Variants in MLIP observed in about 807,000 individuals in gnomAD.
The protein encoded by MLIP is muscular LMNA interacting protein.
A neutral mutation model predicts 84.8 loss-of-function variants in MLIP; 79 were observed. The ratio of observed to expected loss-of-function variants is 0.93; its 90% confidence interval spans 0.78 to 1.12. MLIP has a LOEUF of 1.12. Ranked by LOEUF, MLIP falls within the 50% of genes most tolerant of loss-of-function variation. The probability of loss-of-function intolerance (pLI) is 0.00; values close to 1 mark genes in which losing one functional copy is unlikely to be tolerated. For missense variants in MLIP, 1,257 were observed against 1,160.6 expected, an observed-to-expected ratio of 1.08 and a Z score of -1.21; for synonymous variants, 504 against 463.0, an observed-to-expected ratio of 1.09 and a Z score of -1.14.
intron 12 of MLIP, among the ~76,000 whole-genome samples, chr6:54,245,790 G>A (rs1408731085): frequency 2.6e-5 from 4 of 151,930 alleles, no homozygotes; most frequent in South Asian, 2.1e-4. Flanking sequence ...TCTCATTGCC[G>A]TAATGTATTT....
chr6:54,265,929 C>T (rs1308009088), intron 13 of MLIP, 21 bp from the exon 14 acceptor site: 4 of 1,608,678 alleles, frequency 2.5e-6, no homozygotes, highest in East Asian at 4.5e-5. Flanking sequence ...AACCTGACTA[C>T]CATATTCTCT....
At chr6:54,113,993 T>A (rs1769693727) in intron 1 of MLIP, among the ~76,000 whole-genome samples, 1 of 152,236 alleles carries the variant, frequency 6.6e-6, no homozygotes, top group Non-Finnish European at 1.5e-5. Context: ...ATTGCCTCAC[T>A]GTTCCTGGAT....
chr6:54,074,545 G>C (rs1561909452), intron 1 of MLIP, among the ~76,000 whole-genome samples: 1 of 152,116 alleles, frequency 6.6e-6, no homozygotes, highest in Admixed American at 6.5e-5. Flanking sequence ...CAGCAAATAA[G>C]TGAAAATAGC....
At chr6:54,052,028 T>TA (rs1328014204) in intron 1 of MLIP, among the ~76,000 whole-genome samples, 1 of 152,136 alleles carries the variant, frequency 6.6e-6, no homozygotes, top group African/African-American at 2.4e-5. Context: ...TTCTCCATCT[T>TA]ACTGCTGCTC....
chr6:54,063,709 C>G lies in MLIP; in HGVS notation c.63+44618C>G, dbSNP rs1259619611. 2.1e-5 allele frequency among the ~76,000 whole-genome samples: 3 copies of G among 144,644 alleles called. No homozygotes were observed. The Admixed American group carries it at 2.1e-4, about 10-fold the overall frequency. The allele number at this position is 144,644 out of a possible 152,430, so 94.9% of individuals were successfully genotyped here. On this transcript the variant is annotated intron_variant, in intron 1 of 12. Coordinates refer to the MLIP transcript ENST00000274897. ...ATGGAGTGGGATGGGGTAGGCAGAA[C>G]TAGGTCAGTGGCGTGTGTGTGTGTG...
chr6:54,116,506 T>C (rs1363830622), intron 1 of MLIP, among the ~76,000 whole-genome samples: 2 of 152,160 alleles, frequency 1.3e-5, no homozygotes, highest in Non-Finnish European at 2.9e-5. Context: ...CAGAAATTGA[T>C]AAACTCTTGG....
rs184009660 is a variant in MLIP at position 54,128,687 on chromosome 6, G to T, written c.645+3822G>T. On this transcript the variant is annotated intron_variant, in intron 3 of 13. Transcript: ENST00000502396. ...AAGGAAAAGGAGGTCATGCATTGGAGGGGTGATGTGGGAAAACCAAAATGA... is the reference window on the plus strand; with the variant it reads ...AAGGAAAAGGAGGTCATGCATTGGATGGGTGATGTGGGAAAACCAAAATGA... Among the ~76,000 whole-genome samples the T allele has an allele frequency of 3.7e-3, 556 of 152,208 alleles. 2 individuals are homozygous for T. Among genetic ancestry groups the T allele is most frequent in the African/African-American group, 0.012 (513 of 41,540 alleles).
In MLIP at chr6:54,082,767, T is replaced by C. The variant is rs921588564; in HGVS notation, c.64-38680T>C. On this transcript the variant is annotated intron_variant, in intron 1 of 12. Transcript: ENST00000274897. ...AGATTGAATATCTTTCATTTTTTTT[T>C]TGGTCATTTGTATTTCTGTGAATTT... Among the ~76,000 whole-genome samples the C allele has an allele frequency of 2.7e-5, 4 of 148,656 alleles. No individual in the cohort carries two copies. The Admixed American group carries it at 2.7e-4, about 10-fold the overall frequency.
At chr6:54,120,304 G>C (rs1176353956) in intron 1 of MLIP, among the ~76,000 whole-genome samples, 1 of 151,670 alleles carries the variant, frequency 6.6e-6, no homozygotes, top group Non-Finnish European at 1.5e-5. Context: ...GCACGATCTC[G>C]GCTCACTGCA....
chr6:54,197,385 G>A (rs957720287), intron 10 of MLIP, among the ~76,000 whole-genome samples: 6 of 151,970 alleles, frequency 3.9e-5, no homozygotes, highest in Admixed American at 3.3e-4. Flanking sequence ...TATCTCTATA[G>A]ACACTATAGT....
intron 8 of MLIP, among the ~76,000 whole-genome samples, chr6:54,165,536 T>C (rs550071808): frequency 1.6e-4 from 24 of 152,084 alleles, no homozygotes; most frequent in Admixed American, 1.1e-3. Flanking sequence ...AAATGTGTTG[T>C]GGCATGAGAA....
chr6:54,137,895 A>C lies in MLIP; in HGVS notation c.1826A>C (p.Lys609Thr), dbSNP rs1255307241. 2 of 1,536,058 alleles carry C rather than the reference A, an allele frequency of 1.3e-6. No individual in the cohort carries two copies. Among genetic ancestry groups the C allele is most frequent in the East Asian group, 2.4e-5 (1 of 40,908 alleles). ...AGAGCTACGTTCTCTTCTTCAGAGA[A>C]ATGTTTCCATCCTTCCCCAGCTCTT... ...NQRATFSSSE[K>T]CFHPSPALSS... is the part of the protein sequence containing the mutation. The change falls in exon 4 of 14, where the codon AAA becomes ACA. Residue 609 changes from lysine to threonine, a missense_variant. Lys to Thr is a moderately conservative substitution (Grantham distance 78, BLOSUM62 -1). Transcript: ENST00000502396.
Position 54,227,618 on chromosome 6 carries a change from A to G in MLIP, c.2719-3096A>G, listed in dbSNP as rs1381367611. On this transcript the variant is annotated intron_variant, in intron 11 of 13. Transcript: ENST00000502396. ...AGGACAACAAAAAGGGTCATTTACA[A>G]ATCATCGGAAATCAAAATGGCTGGG... 2.0e-5 allele frequency among the ~76,000 whole-genome samples: 3 copies of G among 152,182 alleles called. No homozygotes were observed. The East Asian group carries it at 5.8e-4, about 29-fold the overall frequency.
chr6:54,050,849 C>T (rs539580171), intron 1 of MLIP, among the ~76,000 whole-genome samples: 1 of 152,224 alleles, frequency 6.6e-6, no homozygotes, highest in South Asian at 2.1e-4. Flanking sequence ...TCCTGATATT[C>T]TTCACCTAAC....
intron 9 of MLIP, among the ~76,000 whole-genome samples, chr6:54,178,302 C>T (rs1330331378): frequency 2.0e-4 from 8 of 39,624 alleles, no homozygotes; most frequent in East Asian, 5.3e-4. Context: ...GTGTTTCTTC[C>T]CTTTTTTTCT....
chr6:54,124,796 G>A lies in MLIP; in HGVS notation c.576G>A (p.Gly192=). 6.2e-7 allele frequency: 1 copy of A among 1,614,020 alleles called. No individual in the cohort carries two copies. The highest frequency in any genetic ancestry group is 1.3e-5 in the African/African-American group (1 of 75,018). The change falls in exon 3 of 14, where the codon GGG becomes GGA. Residue 192 remains glycine, a synonymous_variant. Transcript: ENST00000502396. ...VSDVVRPKTQ[G]TDLKTSSHPE... ...ATGTAGTGCGTCCCAAAACACAGGG[G>A]ACTGATCTCAAGACCTCATCACATC... is the stretch of plus-strand genomic sequence containing the variant.
rs530538199 is a variant in MLIP, at chr6:54,210,642, G to A, written c.2718+8409G>A. Among the ~76,000 whole-genome samples the A allele has an allele frequency of 9.0e-3, 1,294 of 144,534 alleles. 8 individuals are homozygous for A. Among genetic ancestry groups the A allele is most frequent in the Middle Eastern group, 0.049 (13 of 268 alleles). The allele number at this position is 144,534 out of a possible 152,430, so 94.8% of individuals were successfully genotyped here. Reference sequence around the variant, plus strand: ...ATTGGCAGCCAAGACTCTGAACTCTGCAGAAACATTTGTTTCACCCAGACT... The same window carrying A: ...ATTGGCAGCCAAGACTCTGAACTCTACAGAAACATTTGTTTCACCCAGACT... On this transcript the variant is annotated intron_variant, in intron 11 of 13. Transcript: ENST00000502396.
At chr6:54,199,341 G>A (rs1046768628) in intron 10 of MLIP, among the ~76,000 whole-genome samples, 4 of 152,070 alleles carry the variant, frequency 2.6e-5, no homozygotes, top group African/African-American at 9.7e-5. Flanking sequence ...TTTGGCATGT[G>A]ACTTATTACC....
intron 1 of MLIP, among the ~76,000 whole-genome samples, chr6:54,082,214 A>G (rs1415029171): frequency 1.3e-5 from 2 of 152,178 alleles, no homozygotes; most frequent in Non-Finnish European, 2.9e-5. Flanking sequence ...TGGAATGAAT[A>G]TATTATATTT....
Sources: gnomAD v4.1 joint callset for allele counts (sites outside exome capture counted in the v4.1 genomes callset) on GRCh38, gnomAD v4.1.1 for gene constraint, MANE v1.5 for transcripts, NCBI Gene and HGNC (gene_info 2026-07-23, HGNC 2026-07-21) for gene names.